Variants in ZNF837 observed in about 807,000 individuals in gnomAD.
ZNF837 encodes the protein zinc finger protein 837.
For missense variants in ZNF837, 955 were observed against 801.7 expected, an observed-to-expected ratio of 1.19 and a Z score of -2.31; for synonymous variants, 475 against 365.2, an observed-to-expected ratio of 1.30 and a Z score of -3.43.
chr19:58,372,853 C>T (rs1377881092), intron 1 of ZNF837, among the ~76,000 whole-genome samples: 1 of 152,182 alleles, frequency 6.6e-6, no homozygotes, highest in Non-Finnish European at 1.5e-5. Flanking sequence ...CTGCAGGTCA[C>T]GAAAGGCCTT....
chr19:58,378,714 G>A (rs1179716385), intron 1 of ZNF837, among the ~76,000 whole-genome samples: 1 of 152,212 alleles, frequency 6.6e-6, no homozygotes. Flanking sequence ...TTAGGTCTTT[G>A]CAGACATAAT....
At position 58,369,082 on chromosome 19, in the gene ZNF837, G is replaced by A; in HGVS notation, c.251C>T (p.Thr84Ile). The A allele has an allele frequency of 6.6e-7, 1 of 1,516,766 alleles. No homozygotes were observed. The highest frequency in any genetic ancestry group is 1.3e-5 in the South Asian group (1 of 79,866). 94.0% of individuals were successfully genotyped at this position (1,516,766 alleles called of 1,614,324 possible). ...GCACGGCTCCCGCACGAGGGGTCTGGTCCCGGCGCTGTGCCGGGTCCCCGG... is the reference window on the plus strand; with the variant it reads ...GCACGGCTCCCGCACGAGGGGTCTGATCCCGGCGCTGTGCCGGGTCCCCGG... Reference protein sequence around the residue: ...PGPGTRHSAGTRPLVREPCGP... With the variant: ...PGPGTRHSAGIRPLVREPCGP... The change falls in exon 3 of 3, where the codon ACC becomes ATC. Residue 84 changes from threonine to isoleucine, a missense_variant. By Grantham distance (89) the Thr-to-Ile change is moderately conservative. Transcript: ENST00000597582.
Position 58,368,585 on chromosome 19 carries a change from G to T in ZNF837, c.748C>A (p.Pro250Thr). 1 of 1,536,122 alleles carries T rather than the reference G, an allele frequency of 6.5e-7. No homozygotes were observed. The change falls in exon 3 of 3, where the codon CCT becomes ACT. Residue 250 changes from proline to threonine, a missense_variant. Coordinates refer to ENST00000597582, the MANE Select transcript of ZNF837 (RefSeq NM_138466.2). ...GGTCGCGAGGTTTGGCCGCACTCAG[G>T]ACACACTGGGGGACTCTTGCCCGCC... Reference protein sequence around the residue: ...QQAGKSPPVCPECGQTSRPRP... With the variant: ...QQAGKSPPVCTECGQTSRPRP...
intron 1 of ZNF837, among the ~76,000 whole-genome samples, chr19:58,380,566 G>C (rs2052281508): frequency 6.6e-6 from 1 of 152,252 alleles, no homozygotes; most frequent in Non-Finnish European, 1.5e-5. Context: ...AAGTGCAAAG[G>C]CCAGGATGCG....
chr19:58,369,128 T>C lies in ZNF837; in HGVS notation c.205A>G (p.Ser69Gly), dbSNP rs1188534676. 5.4e-6 allele frequency: 8 copies of C among 1,469,720 alleles called. No homozygotes were observed. Among genetic ancestry groups the C allele is most frequent in the Non-Finnish European group, 7.2e-6 (8 of 1,112,452 alleles). The allele number at this position is 1,469,720 out of a possible 1,614,324, so 91.0% of individuals were successfully genotyped here. A position where few individuals can be genotyped will look rare whatever the true frequency, so the allele number is the denominator to read the frequency against. The change falls in exon 3 of 3, where the codon AGC (serine) becomes GGC (glycine). Residue 69 changes from serine to glycine, a missense_variant. Coordinates refer to ENST00000597582, the MANE Select transcript of ZNF837 (RefSeq NM_138466.2). ...CCCGGGCCGGGGCTCACCCCGAGGC[T>C]GCAGCCCCGGGAGCCCCCGCCTGGG... ...TPPGGGSRGC[S>G]LGVSPGPGTR...
chr19:58,377,842 T>C (rs773639472), intron 1 of ZNF837, among the ~76,000 whole-genome samples: 7 of 152,148 alleles, frequency 4.6e-5, no homozygotes, highest in Non-Finnish European at 8.8e-5. Flanking sequence ...ACCATGGAGC[T>C]CTGTCCACAC....
chr19:58,376,311 G>T (rs1200268781), intron 1 of ZNF837, among the ~76,000 whole-genome samples: 1 of 152,068 alleles, frequency 6.6e-6, no homozygotes. Flanking sequence ...CCAGCACTTT[G>T]GGAGGCCGAG....
chr19:58,373,161 C>T (rs1291813442), intron 1 of ZNF837, among the ~76,000 whole-genome samples: 1 of 152,182 alleles, frequency 6.6e-6, no homozygotes, highest in Non-Finnish European at 1.5e-5. Flanking sequence ...CTGGGTTTTC[C>T]TGAGACTTCC....
At chr19:58,372,787 G>T (rs1239503148) in intron 1 of ZNF837, among the ~76,000 whole-genome samples, 1 of 152,196 alleles carries the variant, frequency 6.6e-6, no homozygotes, top group Non-Finnish European at 1.5e-5. Context: ...ATGTTTTTGA[G>T]TGGAAATGAA....
At chr19:58,372,345 C>A (rs2052209490) in intron 1 of ZNF837, among the ~76,000 whole-genome samples, 1 of 152,152 alleles carries the variant, frequency 6.6e-6, no homozygotes, top group African/African-American at 2.4e-5. Context: ...AGGCGTGAGT[C>A]ACCGCACCCA....
rs61746138 is a variant in ZNF837 at position 58,368,293 on chromosome 19, T to C, written c.1040A>G (p.Tyr347Cys). ...FRLGCPPCGD[Y>C]SERSPRRGSG... ...CCCCCGTCGGGGACTCCGCTCGCTG[T>C]AGTCCCCGCAGGGCGGGCACCCCAG... Residue 347 changes from tyrosine to cysteine, a missense_variant, in exon 3 of 3, where the codon TAC (tyrosine) becomes TGC (cysteine). By Grantham distance (194) the Tyr-to-Cys change is radical (BLOSUM62 -2). Transcript: ENST00000597582. 132,276 of 1,483,436 alleles carry C rather than the reference T, an allele frequency of 0.089. 7,851 individuals carry two copies. The highest frequency in any genetic ancestry group is 0.34 in the East Asian group (13,604 of 39,604). 91.9% of individuals were successfully genotyped at this position (1,483,436 alleles called of 1,614,324 possible). A position where few individuals can be genotyped will look rare whatever the true frequency, so the allele number is the denominator to read the frequency against.
At chr19:58,369,712 C>T (rs2052182550) in intron 2 of ZNF837, 107 bp downstream of exon 2, 1 of 180,282 alleles carries the variant, frequency 5.5e-6, no homozygotes, top group South Asian at 2.0e-4. Context: ...CAAAATCTCA[C>T]TTACTCCTGC....
In ZNF837 at chr19:58,367,995, G is replaced by A. The variant is rs752807538; in HGVS notation, c.1338C>T (p.Pro446=). Residue 446 remains proline (P), a synonymous_variant, in exon 3 of 3, where the codon CCC becomes CCT. Coordinates refer to ENST00000597582, the MANE Select transcript of ZNF837 (RefSeq NM_138466.2). ...QHQRAHTGER[P]YGCSECGKTF... Reference sequence around the variant, plus strand: ...TCTTTCCGCACTCGGAGCAGCCATAGGGCCGCTCGCCGGTGTGCGCGCGCT... The same window carrying A: ...TCTTTCCGCACTCGGAGCAGCCATAAGGCCGCTCGCCGGTGTGCGCGCGCT... The A allele has an allele frequency of 1.3e-6, 2 of 1,532,964 alleles. No homozygotes were observed. The highest frequency in any genetic ancestry group is 1.2e-5 in the South Asian group (1 of 83,824). The allele number at this position is 1,532,964 out of a possible 1,614,324, so 95.0% of individuals were successfully genotyped here. A position where few individuals can be genotyped will look rare whatever the true frequency, so the allele number is the denominator to read the frequency against.
intron 1 of ZNF837, among the ~76,000 whole-genome samples, chr19:58,376,617 AAG>A (rs2052250306): frequency 6.6e-6 from 1 of 151,346 alleles, no homozygotes; most frequent in South Asian, 2.1e-4. Flanking sequence ...AGGAAAAAAA[AAG>A]AGAAAAACAA....
At chr19:58,374,888 G>A (rs1385698640) in intron 1 of ZNF837, among the ~76,000 whole-genome samples, 6 of 145,180 alleles carry the variant, frequency 4.1e-5, no homozygotes, top group East Asian at 2.1e-4. Flanking sequence ...AGCCGAGATC[G>A]CACCACTGCA....
chr19:58,369,058 C>A lies in ZNF837; in HGVS notation c.275G>T (p.Cys92Phe). 6.6e-7 allele frequency: 1 copy of A among 1,519,012 alleles called. No homozygotes were observed. The highest frequency in any genetic ancestry group is 1.4e-5 in the African/African-American group (1 of 71,888). The allele number at this position is 1,519,012 out of a possible 1,614,324, so 94.1% of individuals were successfully genotyped here. ...AGTRPLVREPCGPTSSQNPEL... is the reference protein window; with the variant it reads ...AGTRPLVREPFGPTSSQNPEL... ...AGGGTTCTGAGAAGAGGTGGGGCCG[C>A]ACGGCTCCCGCACGAGGGGTCTGGT... Residue 92 changes from cysteine to phenylalanine, a missense_variant, in exon 3 of 3, where the codon TGC becomes TTC. By Grantham distance (205) the Cys-to-Phe change is radical. Transcript: ENST00000597582.
At position 58,367,743 on chromosome 19, in the gene ZNF837, C is replaced by G. The variant is rs2052147073; in HGVS notation, c.1590G>C (p.Ala530=). The G allele has an allele frequency of 2.6e-6, 4 of 1,519,908 alleles. No individual in the cohort carries two copies. The highest frequency in any genetic ancestry group is 4.3e-5 in the Admixed American group (2 of 46,856). 94.2% of individuals were successfully genotyped at this position (1,519,908 alleles called of 1,614,324 possible). A position where few individuals can be genotyped will look rare whatever the true frequency, so the allele number is the denominator to read the frequency against. ...EHRKRHGGRA[A]P is the part of the protein sequence containing the mutation. ...GACTCTCGGCTCCCTGCAGTCAAGGCGCGGCGCGGCCCCCGTGCCGCTTCC... is the reference window on the plus strand; with the variant it reads ...GACTCTCGGCTCCCTGCAGTCAAGGGGCGGCGCGGCCCCCGTGCCGCTTCC... The change falls in exon 3 of 3, where the codon GCG becomes GCC. Residue 530 remains alanine (A), a synonymous_variant. Coordinates refer to ENST00000597582, the MANE Select transcript of ZNF837 (RefSeq NM_138466.2).
Position 58,368,149 on chromosome 19 carries a change from T to A in ZNF837, c.1184A>T (p.Glu395Val). 1 of 1,588,286 alleles carries A rather than the reference T, an allele frequency of 6.3e-7. No homozygotes were observed. The highest frequency in any genetic ancestry group is 1.8e-5 in the Admixed American group (1 of 56,364). The change falls in exon 3 of 3, where the codon GAG (glutamate) becomes GTG (valine). Residue 395 changes from glutamate (E) to valine (V), a missense_variant. Coordinates refer to ENST00000597582, the MANE Select transcript of ZNF837 (RefSeq NM_138466.2). ...HTGEKPYACP[E>V]CGKAFNQRSN... The stretch of plus-strand genomic sequence containing the variant: ...GCGCTGGTTGAAGGCCTTGCCGCAC[T>A]CGGGGCACGCGTAGGGCTTCTCGCC...
rs2148014526 is a variant in ZNF837 at position 58,368,890 on chromosome 19, CAG to C, written c.441_442del (p.Cys148SerfsTer14). On this transcript the variant is annotated frameshift_variant, in exon 3 of 3. Coordinates refer to ENST00000597582, the MANE Select transcript of ZNF837 (RefSeq NM_138466.2). LOFTEE classifies it low-confidence loss of function (END_TRUNC). The stretch of plus-strand genomic sequence containing the variant: ...GGGGTGGTTCTGGATCCGCTCCGGA[CAG>C]GGGTCACACACGGGTGGCGTCTCCC... The C allele has an allele frequency of 6.5e-7, 1 of 1,548,308 alleles. No individual in the cohort carries two copies. Among genetic ancestry groups the C allele is most frequent in the African/African-American group, 1.4e-5 (1 of 73,156 alleles).
Sources: gnomAD v4.1 joint callset for allele counts (sites outside exome capture counted in the v4.1 genomes callset) on GRCh38, gnomAD v4.1.1 for gene constraint, MANE v1.5 for transcripts, NCBI Gene and HGNC (gene_info 2026-07-23, HGNC 2026-07-21) for gene names.